The following PRR16 variants were observed in gnomAD, a reference collection of about 807,000 sequenced individuals.
The protein encoded by PRR16 is protein Largen.
In PRR16, 6 loss-of-function variants were observed where a neutral mutation model predicts 18.2. That is an observed-to-expected ratio of 0.33 (90% CI 0.18 to 0.65). PRR16 has a LOEUF of 0.65. PRR16 is among the 30% of genes least tolerant of loss of function. The probability of loss-of-function intolerance (pLI) is 0.74; values close to 1 mark genes in which losing one functional copy is unlikely to be tolerated. For missense variants in PRR16, 412 were observed against 376.6 expected (o/e 1.09, Z -0.78); for synonymous variants, 151 against 147.8 (o/e 1.02, Z -0.16).
chr5:120,567,275 A>T (rs1465336522), intron 1 of PRR16, among the ~76,000 whole-genome samples: 3 of 152,080 alleles, frequency 2.0e-5, no homozygotes, highest in African/African-American at 7.2e-5. Flanking sequence ...TTTCTGCAGC[A>T]CAATCTGCTT....
chr5:120,495,624 T>C (rs543936578), intron 1 of PRR16, among the ~76,000 whole-genome samples: 41 of 152,242 alleles, frequency 2.7e-4, no homozygotes, highest in Admixed American at 5.9e-4. Context: ...TACAGAAGAC[T>C]GACTGTAGTA....
intron 1 of PRR16, among the ~76,000 whole-genome samples, chr5:120,495,922 A>G (rs920629316): frequency 3.3e-5 from 5 of 152,012 alleles, no homozygotes; most frequent in African/African-American, 1.2e-4. Context: ...TTTAAATTAA[A>G]TTAAAATTAA....
the PRR16 span, among the ~76,000 whole-genome samples, chr5:120,780,876 C>T: frequency 6.6e-6 from 1 of 151,996 alleles, no homozygotes; most frequent in African/African-American, 2.4e-5. Flanking sequence ...ATGGTGAAAC[C>T]CCATCGCTAC....
chr5:120,657,314 C>T (rs1027553567), intron 1 of PRR16, among the ~76,000 whole-genome samples: 3 of 151,850 alleles, frequency 2.0e-5, no homozygotes, highest in Admixed American at 6.6e-5. Flanking sequence ...TTCTGATAAA[C>T]GGCAGCTTGA....
the PRR16 span, among the ~76,000 whole-genome samples, chr5:120,745,565 C>T: frequency 3.9e-5 from 6 of 152,142 alleles, no homozygotes; most frequent in South Asian, 1.0e-3. Flanking sequence ...ACAACAACAA[C>T]AACAAATACT....
chr5:120,475,704 T>G (rs1427063324), intron 1 of PRR16, among the ~76,000 whole-genome samples: 1 of 152,068 alleles, frequency 6.6e-6, no homozygotes, highest in Non-Finnish European at 1.5e-5. Flanking sequence ...GCTACTGCAT[T>G]CAAGCCTGGG....
chr5:120,765,950 C>G, the PRR16 span, among the ~76,000 whole-genome samples: 6 of 151,978 alleles, frequency 3.9e-5, no homozygotes, highest in Non-Finnish European at 8.8e-5. Context: ...GTTATTCTCA[C>G]TGCTGTATAC....
chr5:120,763,134 T>C, the PRR16 span, among the ~76,000 whole-genome samples: 1 of 147,538 alleles, frequency 6.8e-6, no homozygotes, highest in Admixed American at 6.8e-5. Context: ...CTTTTGTCTA[T>C]GTGTCCATTT....
intron 1 of PRR16, among the ~76,000 whole-genome samples, chr5:120,659,419 T>G (rs545909056): frequency 9.9e-5 from 15 of 152,138 alleles, no homozygotes; most frequent in Admixed American, 2.0e-4. Context: ...TCAGAATGTA[T>G]AGACCTACCC....
At chr5:120,770,668 T>C in the PRR16 span, among the ~76,000 whole-genome samples, 98 of 152,140 alleles carry the variant, frequency 6.4e-4, no homozygotes, top group African/African-American at 2.3e-3. Flanking sequence ...TTGCAAATCA[T>C]GTATCTGATA....
chr5:120,740,970 C>T, the PRR16 span, among the ~76,000 whole-genome samples: 2 of 151,846 alleles, frequency 1.3e-5, no homozygotes, highest in East Asian at 1.9e-4. Context: ...AATTAATTTT[C>T]CTATTAATAT....
chr5:120,571,926 G>C (rs1752919999), intron 1 of PRR16, among the ~76,000 whole-genome samples: 2 of 152,210 alleles, frequency 1.3e-5, no homozygotes, highest in South Asian at 4.1e-4. Flanking sequence ...GGGACATCTA[G>C]AAGGTCAGAC....
At chr5:120,568,954 A>C (rs1251195965) in intron 1 of PRR16, among the ~76,000 whole-genome samples, 2 of 152,068 alleles carry the variant, frequency 1.3e-5, no homozygotes, top group Non-Finnish European at 2.9e-5. Flanking sequence ...CAAAGCTTTG[A>C]GTATAGGTCC....
chr5:120,606,795 T>G (rs576430514), intron 1 of PRR16, among the ~76,000 whole-genome samples: 2 of 152,194 alleles, frequency 1.3e-5, no homozygotes, highest in East Asian at 3.9e-4. Flanking sequence ...TGGTGCCAGC[T>G]ACTCAGCAGG....
chr5:120,624,836 AT>A (rs1754807726), intron 1 of PRR16, among the ~76,000 whole-genome samples: 1 of 151,998 alleles, frequency 6.6e-6, no homozygotes, highest in Non-Finnish European at 1.5e-5. Flanking sequence ...GTGGGAGATG[AT>A]TGAATCATGG....
At chr5:120,564,768 C>T (rs184917316) in intron 1 of PRR16, among the ~76,000 whole-genome samples, 535 of 152,096 alleles carry the variant, frequency 3.5e-3, no homozygotes, top group Middle Eastern at 0.01. Flanking sequence ...GGGCGGATCA[C>T]GAGGTCAGGA....
chr5:120,672,540 ATG>A (rs5870916), intron 1 of PRR16, among the ~76,000 whole-genome samples: 40,437 of 147,176 alleles, frequency 0.27, 5,965 homozygotes, highest in Middle Eastern at 0.42. Flanking sequence ...ATAGATATAT[ATG>A]TGTGTGTGTG....
intron 1 of PRR16, among the ~76,000 whole-genome samples, chr5:120,572,664 G>A (rs976401326): frequency 2.0e-5 from 3 of 152,044 alleles, no homozygotes; most frequent in African/African-American, 7.2e-5. Flanking sequence ...GAAAGTAGGT[G>A]GATGAGAGAT....
rs765496177 is a variant in PRR16 at position 120,497,384 on chromosome 5, A to ATTTTTT, written c.159+32757_159+32762dup. Among the ~76,000 whole-genome samples, 138 of 84,162 alleles carry ATTTTTT rather than the reference A, an allele frequency of 1.6e-3. 4 individuals carry two copies. Among genetic ancestry groups the ATTTTTT allele is most frequent in the African/African-American group, 5.9e-3 (108 of 18,340 alleles). The allele number at this position is 84,162 out of a possible 152,430, so 55.2% of individuals were successfully genotyped here. ...TTGCTTCCCCTGTTTTGATGAACTG[A>ATTTTTT]TTTTTTTTTTTTTTTTTTTTTTTGG... On this transcript the variant is annotated intron_variant, in intron 1 of 1. Coordinates refer to ENST00000407149, the MANE Select transcript of PRR16 (RefSeq NM_001300783.2).
Sources: allele counts gnomAD v4.1 joint callset (sites outside exome capture counted in the v4.1 genomes callset), GRCh38; gene constraint gnomAD v4.1.1; transcripts MANE v1.5; gene names NCBI Gene and HGNC (gene_info 2026-07-23, HGNC 2026-07-21).